SERPING1: variants seen among roughly 807,000 people sequenced by gnomAD.
The protein encoded by SERPING1 is plasma protease C1 inhibitor.
SERPING1 carries 5 observed loss-of-function variants against 34.1 expected under a neutral mutation model. The ratio of observed to expected loss-of-function variants is 0.15; its 90% CI spans 0.08 to 0.31. The LOEUF (loss-of-function observed/expected upper bound fraction) is 0.31, where lower values mean the gene tolerates loss of function less well. Ranked by LOEUF, SERPING1 falls within the 10% of genes least tolerant of loss-of-function variation. SERPING1 has a pLI of 1.00. For synonymous variants in SERPING1, 225 were observed against 242.4 expected, an observed-to-expected ratio of 0.93 and a Z score of 0.67; for missense variants, 505 against 609.5, an observed-to-expected ratio of 0.83 and a Z score of 1.81.
intron 1 of SERPING1, 153 bp from the exon 2 acceptor site, chr11:57,598,096 G>A (rs967418951): frequency 2.9e-5 from 17 of 594,166 alleles, no homozygotes; most frequent in Non-Finnish European, 4.5e-5. Context: ...AACAGAGGGA[G>A]GAGCCAGGGA....
intron 6 of SERPING1, among the ~76,000 whole-genome samples, chr11:57,610,314 A>G (rs1039986836): frequency 6.6e-6 from 1 of 152,226 alleles, no homozygotes; most frequent in African/African-American, 2.4e-5. Flanking sequence ...TTACCGGCTC[A>G]GGTACACCGA....
chr11:57,606,248 C>T, intron 5 of SERPING1, 35 bp downstream of exon 5: 1 of 1,612,090 alleles, frequency 6.2e-7, no homozygotes, highest in Non-Finnish European at 8.5e-7. Flanking sequence ...TCTTCCCATT[C>T]TGGGTCCTTC....
intron 2 of SERPING1, among the ~76,000 whole-genome samples, chr11:57,598,641 C>A (rs770846425): frequency 2.0e-5 from 3 of 152,160 alleles, no homozygotes; most frequent in Non-Finnish European, 2.9e-5. Context: ...ACCAAGCAGG[C>A]TTGGCAGGAG....
intron 6 of SERPING1, among the ~76,000 whole-genome samples, chr11:57,608,495 C>T (rs1945437901): frequency 6.6e-6 from 1 of 152,008 alleles, no homozygotes; most frequent in Admixed American, 6.6e-5. Flanking sequence ...CTCCCCAAGC[C>T]AATATGAGTT....
In SERPING1 at chr11:57,605,501, G is replaced by A. The variant is rs12806113; in HGVS notation, c.686-509G>A. 1,226 of 176,964 alleles carry A rather than the reference G, an allele frequency of 6.9e-3. 9 individuals carry two copies. Among genetic ancestry groups the A allele is most frequent in the Non-Finnish European group, 0.011 (933 of 83,084 alleles). The allele number at this position is 176,964 out of a possible 1,614,324, so 11.0% of individuals were successfully genotyped here. The stretch of plus-strand genomic sequence containing the variant: ...CCACCTTGGCCTCCCAAAGTGCTGC[G>A]ATTACAGGTGTGAGCCACCATGCCC... On this transcript the variant is annotated intron_variant, in intron 4 of 7. Coordinates refer to ENST00000278407, the MANE Select transcript of SERPING1 (RefSeq NM_000062.3).
chr11:57,602,335 A>G (rs1945357953), intron 4 of SERPING1, among the ~76,000 whole-genome samples, 166 bp downstream of exon 4: 1 of 152,258 alleles, frequency 6.6e-6, no homozygotes, highest in Admixed American at 6.5e-5. Flanking sequence ...AGGTCACTCC[A>G]GGAACTAGAC....
At chr11:57,609,800 C>G (rs111811182) in intron 6 of SERPING1, among the ~76,000 whole-genome samples, 2 of 152,124 alleles carry the variant, frequency 1.3e-5, no homozygotes, top group African/African-American at 4.8e-5. Flanking sequence ...GGGTCTTACT[C>G]TATCACCCAG....
chr11:57,610,480 C>T (rs779754430), intron 6 of SERPING1, among the ~76,000 whole-genome samples: 1 of 152,188 alleles, frequency 6.6e-6, no homozygotes, highest in Non-Finnish European at 1.5e-5. Flanking sequence ...TCTTTTCAGT[C>T]GAAATTGGCT....
chr11:57,605,264 A>T (rs985778576), intron 4 of SERPING1, among the ~76,000 whole-genome samples: 1 of 151,708 alleles, frequency 6.6e-6, no homozygotes, highest in Non-Finnish European at 1.5e-5. Context: ...TCTTGGTCTT[A>T]TGTTGTACTT....
Position 57,611,781 on chromosome 11 carries a change from A to T in SERPING1, c.1094A>T (p.His365Leu). Residue 365 changes from histidine (H) to leucine (L), a missense_variant, in exon 7 of 8, where the codon CAT becomes CTT. His to Leu is a moderately conservative substitution (Grantham distance 99, BLOSUM62 -3). Coordinates refer to ENST00000278407, the MANE Select transcript of SERPING1 (RefSeq NM_000062.3). ...LVILVPQNLK[H>L]RLEDMEQALS... ...ATCCTGGTACCCCAGAACCTGAAAC[A>T]TCGTCTTGAAGACATGGAACAGGCT... is the stretch of plus-strand genomic sequence containing the variant. 1 of 1,614,258 alleles carries T rather than the reference A, an allele frequency of 6.2e-7. No homozygotes were observed. The highest frequency in any genetic ancestry group is 8.5e-7 in the Non-Finnish European group (1 of 1,180,034).
At chr11:57,604,862 C>T (rs944752183) in intron 4 of SERPING1, among the ~76,000 whole-genome samples, 1 of 151,512 alleles carries the variant, frequency 6.6e-6, no homozygotes, top group Non-Finnish European at 1.5e-5. Context: ...AAAAATTATC[C>T]GGGTGTGGTA....
At chr11:57,598,419 G>A in intron 2 of SERPING1, 98 bp downstream of exon 2, 2 of 1,192,152 alleles carry the variant, frequency 1.7e-6, no homozygotes, top group Non-Finnish European at 2.4e-6. Context: ...TTCAGGCTCC[G>A]GGGAATGAGG....
At position 57,600,231 on chromosome 11, in the gene SERPING1, G is replaced by A. The variant is rs762090349; in HGVS notation, c.404G>A (p.Ser135Asn). The A allele has an allele frequency of 4.3e-6, 7 of 1,613,998 alleles. No individual in the cohort carries two copies. In the South Asian group the frequency reaches 4.4e-5, roughly 10 times the overall value. Reference sequence around the variant, plus strand: ...GTTACTCTCTGCTCTGACTTGGAGAGTCATTCAACAGAGGCCGTGTTGGGG... The same window carrying A: ...GTTACTCTCTGCTCTGACTTGGAGAATCATTCAACAGAGGCCGTGTTGGGG... Reference protein sequence around the residue: ...GPVTLCSDLESHSTEAVLGDA... With the variant: ...GPVTLCSDLENHSTEAVLGDA... The change falls in exon 3 of 8, where the codon AGT becomes AAT. Residue 135 changes from serine to asparagine, a missense_variant. Transcript: ENST00000278407.
At chr11:57,598,190 G>A in intron 1 of SERPING1, 59 bp from the exon 2 acceptor site, 1 of 1,392,020 alleles carries the variant, frequency 7.2e-7, no homozygotes, top group Non-Finnish European at 9.8e-7. Flanking sequence ...CCCCGGGCGG[G>A]GTGGGGGCCC....
chr11:57,600,445 C>A, intron 3 of SERPING1, 68 bp downstream of exon 3: 1 of 1,566,896 alleles, frequency 6.4e-7, no homozygotes, highest in Non-Finnish European at 8.8e-7. Flanking sequence ...CCAATCCAGA[C>A]ACTTACAAAG....
At chr11:57,613,904 A>T (rs1282569952) in intron 7 of SERPING1, among the ~76,000 whole-genome samples, 2 of 152,238 alleles carry the variant, frequency 1.3e-5, no homozygotes, top group Non-Finnish European at 2.9e-5. Context: ...AGGAACTGGG[A>T]TCGGAGACCA....
At chr11:57,613,554 A>C (rs1210070201) in intron 7 of SERPING1, among the ~76,000 whole-genome samples, 1 of 152,236 alleles carries the variant, frequency 6.6e-6, no homozygotes, top group African/African-American at 2.4e-5. Flanking sequence ...GAAGAGATAC[A>C]TAGGGCAAAA....
intron 5 of SERPING1, 24 bp from the exon 6 acceptor site, chr11:57,606,384 A>G (rs765732875): frequency 6.2e-7 from 1 of 1,613,978 alleles, no homozygotes; most frequent in East Asian, 2.2e-5. Context: ...GCATTAGAGC[A>G]ACCCTCCCAC....
rs1322345200 is a variant in SERPING1 at position 57,611,757 on chromosome 11, T to C, written c.1070T>C (p.Ile357Thr). ...CTCTCCCACAATCTGAGTTTGGTGA[T>C]CCTGGTACCCCAGAACCTGAAACAT... ...LQLSHNLSLV[I>T]LVPQNLKHRL... The change falls in exon 7 of 8, where the codon ATC becomes ACC. Residue 357 changes from isoleucine (I) to threonine (T), a missense_variant. Physicochemically the swap from Ile to Thr is moderately conservative, Grantham distance 89 (BLOSUM62 -1). Transcript: ENST00000278407. 6.2e-7 allele frequency: 1 copy of C among 1,614,090 alleles called. No homozygotes were observed. Among genetic ancestry groups the C allele is most frequent in the Non-Finnish European group, 8.5e-7 (1 of 1,180,046 alleles).
Sources: gnomAD v4.1 joint callset for allele counts (sites outside exome capture counted in the v4.1 genomes callset) on GRCh38, gnomAD v4.1.1 for gene constraint, MANE v1.5 for transcripts, NCBI Gene and HGNC (gene_info 2026-07-23, HGNC 2026-07-21) for gene names.